SEC16A: variants seen among roughly 807,000 people sequenced by gnomAD.
SEC16A encodes SEC16 homolog A, endoplasmic reticulum export factor.
A neutral mutation model predicts 221.9 loss-of-function variants in SEC16A; 110 were observed. That is an observed-to-expected ratio of 0.50 (90% confidence interval 0.42 to 0.58). The LOEUF is 0.58. SEC16A is among the 20% of genes least tolerant of loss of function. The probability of loss-of-function intolerance (pLI) is 0.00; values close to 1 mark genes in which losing one functional copy is unlikely to be tolerated. For missense variants in SEC16A, 3,165 were observed against 3,097.8 expected, an observed-to-expected ratio of 1.02 and a Z score of -0.52; for synonymous variants, 1,393 against 1,257.7, an observed-to-expected ratio of 1.11 and a Z score of -2.28.
upstream of SEC16A, chr9:136,484,695 T>A (rs1589047778): frequency 7.3e-7 from 1 of 1,366,318 alleles, no homozygotes; most frequent in Admixed American, 1.9e-5. Flanking sequence ...CCGCAGGCGG[T>A]GCAGGGAGAG....
intron 18 of SEC16A, 100 bp downstream of exon 18, chr9:136,457,344 C>T (rs1838818825): frequency 7.5e-6 from 10 of 1,330,642 alleles, no homozygotes; most frequent in African/African-American, 1.5e-5. Context: ...TACCACAATG[C>T]GCGTCTGAAC....
At position 136,463,536 on chromosome 9, in the gene SEC16A, T is replaced by C. The variant is rs1474610595; in HGVS notation, c.4574A>G (p.Asn1525Ser). The C allele has an allele frequency of 6.2e-7, 1 of 1,613,936 alleles. No homozygotes were observed. Among genetic ancestry groups the C allele is most frequent in the South Asian group, 1.1e-5 (1 of 91,088 alleles). The change falls in exon 11 of 32, where the codon AAT becomes AGT. Residue 1525 changes from asparagine (N) to serine (S), a missense_variant. Asn to Ser is a conservative substitution (Grantham distance 46). Around this residue, in one of 3 missense-constraint regions of SEC16A, gnomAD observed 47 missense variants for 85.0 expected, o/e 0.55. Coordinates refer to ENST00000684901, the MANE Select transcript of SEC16A (RefSeq NM_014866.2). Reference protein sequence around the residue: ...AQNKAMKCLQNENLIDKESAS... With the variant: ...AQNKAMKCLQSENLIDKESAS... ...AGACTCTTTGTCAATTAAGTTTTCA[T>C]TCTGCAAACATTTCATAGCTTTGTT...
At position 136,474,635 on chromosome 9, in the gene SEC16A, A is replaced by G. The variant is rs1564527817; in HGVS notation, c.2981T>C (p.Leu994Pro). The G allele has an allele frequency of 6.2e-7, 1 of 1,613,384 alleles. No homozygotes were observed. Among genetic ancestry groups the G allele is most frequent in the East Asian group, 2.2e-5 (1 of 44,880 alleles). The change falls in exon 3 of 32, where the codon CTA (leucine) becomes CCA (proline). Residue 994 changes from leucine (L) to proline (P), a missense_variant. Around this residue, in one of 3 missense-constraint regions of SEC16A, gnomAD observed 2,030 missense variants for 1,923.1 expected, o/e 1.06. Transcript: ENST00000684901. ...SSHQEDTYGA[L>P]DFTLSRTLEN... ...CAAAGTCCTGCTTAAGGTAAAGTCT[A>G]GGGCTCCGTAAGTGTCTTCCTGATG...
chr9:136,456,408 C>G (rs1056945253), intron 18 of SEC16A, among the ~76,000 whole-genome samples: 1 of 152,238 alleles, frequency 6.6e-6, no homozygotes, highest in Non-Finnish European at 1.5e-5. Context: ...AGGCACCCCC[C>G]TGGAACAGGC....
At chr9:136,457,345 G>A (rs764427901) in intron 18 of SEC16A, 99 bp downstream of exon 18, 22 of 1,338,236 alleles carry the variant, frequency 1.6e-5, no homozygotes, top group Non-Finnish European at 2.0e-5. Flanking sequence ...ACCACAATGC[G>A]CGTCTGAACC....
chr9:136,483,290 C>G (rs1253745735), upstream of SEC16A, among the ~76,000 whole-genome samples: 3 of 125,754 alleles, frequency 2.4e-5, no homozygotes, highest in Non-Finnish European at 3.4e-5. Flanking sequence ...GTCCCGCCCC[C>G]CGCCCGTCTT....
chr9:136,480,785 G>T lies in SEC16A; in HGVS notation c.-191-1955C>A, dbSNP rs899269246. On this transcript the variant is annotated intron_variant, in intron 1 of 31. Coordinates refer to ENST00000684901, the MANE Select transcript of SEC16A (RefSeq NM_014866.2). ...GGCGCCTGTAATCCCAGCTACTCGG[G>T]AGGCTGAGGCAGGAGAATGGCGTAA... is the stretch of plus-strand genomic sequence containing the variant. 2.0e-4 allele frequency among the ~76,000 whole-genome samples: 30 copies of T among 152,222 alleles called. 1 individual carries two copies. The highest frequency in any genetic ancestry group is 6.3e-4 in the African/African-American group (26 of 41,544).
chr9:136,457,319 C>T (rs946011533), intron 18 of SEC16A, 125 bp downstream of exon 18: 4 of 1,043,836 alleles, frequency 3.8e-6, no homozygotes, highest in Non-Finnish European at 5.4e-6. Context: ...GCCCAAGAGG[C>T]AGGTTCTGAG....
chr9:136,454,949 G>A (rs1838401303), intron 20 of SEC16A, among the ~76,000 whole-genome samples: 1 of 152,196 alleles, frequency 6.6e-6, no homozygotes, highest in Non-Finnish European at 1.5e-5. Flanking sequence ...GCGTGGGAGT[G>A]GACATGGCAC....
chr9:136,459,103 T>G lies in SEC16A; in HGVS notation c.5409+31A>C, dbSNP rs1163855654. On this transcript the variant is annotated intron_variant, in intron 17 of 31. Transcript: ENST00000684901. This position sits in a 1 kb window ranked among gnomAD's most constrained non-coding sequence, Gnocchi z 6.1. Reference sequence around the variant, plus strand: ...TTAGCACTGAGTGCCTGCCCAGCCATGACAGCTGCAGGCTGGCAGCACCTG... The same window carrying G: ...TTAGCACTGAGTGCCTGCCCAGCCAGGACAGCTGCAGGCTGGCAGCACCTG... 1.3e-6 allele frequency: 2 copies of G among 1,517,348 alleles called. No individual in the cohort carries two copies. Among genetic ancestry groups the G allele is most frequent in the East Asian group, 4.5e-5 (2 of 43,974 alleles). 94.0% of individuals were successfully genotyped at this position (1,517,348 alleles called of 1,614,324 possible).
intron 4 of SEC16A, among the ~76,000 whole-genome samples, chr9:136,470,216 G>A (rs540222012): frequency 5.9e-5 from 9 of 152,368 alleles, no homozygotes; most frequent in East Asian, 1.9e-4. Flanking sequence ...GAAGGCAGCC[G>A]CAGGATCCGA....
rs948443303 is a variant in SEC16A, at chr9:136,456,773, C to A, written c.5551-607G>T. 2.6e-5 allele frequency among the ~76,000 whole-genome samples: 4 copies of A among 152,202 alleles called. No individual in the cohort carries two copies. In the East Asian group the frequency reaches 5.8e-4, roughly 22 times the overall value. On this transcript the variant is annotated intron_variant, in intron 18 of 31. Transcript: ENST00000684901. ...AGTCATGCCGCCTCTGTTTTACAGG[C>A]GAAGAAACTGAGGCCTGCAGCAGTA...
chr9:136,449,817 A>G, intron 23 of SEC16A, among the ~76,000 whole-genome samples: 1 of 152,220 alleles, frequency 6.6e-6, no homozygotes, highest in East Asian at 1.9e-4. Flanking sequence ...ACAAATTTGG[A>G]ATTAAATGTG....
chr9:136,447,302 C>T lies in SEC16A; in HGVS notation c.6622G>A (p.Ala2208Thr). The T allele has an allele frequency of 6.3e-7, 1 of 1,593,250 alleles. No homozygotes were observed. The highest frequency in any genetic ancestry group is 8.5e-7 in the Non-Finnish European group (1 of 1,170,776). The change falls in exon 27 of 32, where the codon GCT (alanine) becomes ACT (threonine). Residue 2208 changes from alanine (A) to threonine (T), a missense_variant. Ala to Thr is a moderately conservative substitution (Grantham distance 58, BLOSUM62 0). Coordinates refer to ENST00000684901, the MANE Select transcript of SEC16A (RefSeq NM_014866.2). This position sits in a 1 kb window ranked among gnomAD's most constrained non-coding sequence, Gnocchi z 5.5. ...NPSGTQRSEP[A>T]LAPADFVAPL... ...GCGACAAAGTCCGCAGGAGCGAGAG[C>T]CGGCTCGCTCCGCTGGGTCCCGCTT... is the stretch of plus-strand genomic sequence containing the variant.
intron 1 of SEC16A, among the ~76,000 whole-genome samples, chr9:136,482,715 C>A (rs1315138241): frequency 6.6e-6 from 1 of 152,200 alleles, no homozygotes; most frequent in Non-Finnish European, 1.5e-5. Context: ...TCCCTCGAGT[C>A]CCACGGCGGC....
chr9:136,447,186 C>CT lies in SEC16A; in HGVS notation c.6697+40dup. On this transcript the variant is annotated intron_variant, in intron 27 of 31. Coordinates refer to ENST00000684901, the MANE Select transcript of SEC16A (RefSeq NM_014866.2). This position sits in a 1 kb window ranked among gnomAD's most constrained non-coding sequence, Gnocchi z 5.5. ...AGAAAGAGGATCAAAGGTCAGGAGACTGGGGGCTGACCTGGAGGGGCTGGT... is the reference window on the plus strand; with the variant it reads ...AGAAAGAGGATCAAAGGTCAGGAGACTTGGGGGCTGACCTGGAGGGGCTGGT... 6.4e-7 allele frequency: 1 copy of CT among 1,570,758 alleles called. No homozygotes were observed.
rs961653269 is a variant in SEC16A, at chr9:136,478,841, A to T, written c.-191-11T>A. The stretch of plus-strand genomic sequence containing the variant: ...AGAGCAAGACGGTCTCTATTTTAAA[A>T]AAATAAATAAATAAAAAGTGACACA... On this transcript the variant is annotated splice_polypyrimidine_tract_variant and intron_variant, in intron 1 of 31. Coordinates refer to ENST00000684901, the MANE Select transcript of SEC16A (RefSeq NM_014866.2). Among the ~76,000 whole-genome samples, 10 of 152,256 alleles carry T rather than the reference A, an allele frequency of 6.6e-5. No individual in the cohort carries two copies. The highest frequency in any genetic ancestry group is 3.8e-4 in the East Asian group (2 of 5,206).
At chr9:136,468,273 G>A (rs890044725) in intron 5 of SEC16A, 142 bp downstream of exon 5, 1 of 489,782 alleles carries the variant, frequency 2.0e-6, no homozygotes, top group Non-Finnish European at 3.7e-6. Flanking sequence ...TTTGGCTTTT[G>A]GGCAAAAACA....
rs1417303537 is a variant in SEC16A, at chr9:136,475,207, A to G, written c.2409T>C (p.Leu803=). ...CATAACCAGAACTCGCCTGGGACTGAAGGGCCTCCTCCTCTCCCATTTTGG... is the reference window on the plus strand; with the variant it reads ...CATAACCAGAACTCGCCTGGGACTGGAGGGCCTCCTCCTCTCCCATTTTGG... ...NPPKMGEEEA[L]QSQASSGYAS... The change falls in exon 3 of 32, where the codon CTT becomes CTC. Residue 803 remains leucine, a synonymous_variant. Transcript: ENST00000684901. The surrounding 1 kb of genome is among the most constrained non-coding windows in gnomAD (Gnocchi z 5.0). 1 of 1,613,664 alleles carries G rather than the reference A, an allele frequency of 6.2e-7. No individual in the cohort carries two copies. Among genetic ancestry groups the G allele is most frequent in the African/African-American group, 1.3e-5 (1 of 74,922 alleles).
Sources: gnomAD v4.1 joint callset for allele counts (sites outside exome capture counted in the v4.1 genomes callset) on GRCh38, gnomAD v4.1.1 for gene constraint, gnomAD v4.1.1 regional missense constraint, Gnocchi (gnomAD v3.1) non-coding constraint, MANE v1.5 for transcripts, NCBI Gene and HGNC (gene_info 2026-07-23, HGNC 2026-07-21) for gene names.